Variants in ABCC2 observed in about 807,000 individuals in gnomAD.
The protein encoded by ABCC2 is ATP-binding cassette sub-family C member 2.
Under a neutral mutation model 173.4 loss-of-function variants are expected in ABCC2, and 157 were observed. The ratio of observed to expected loss-of-function variants is 0.91; its 90% confidence interval spans 0.80 to 1.03. The LOEUF is 1.03. Among genes scored for constraint, ABCC2 ranks in the 50% least tolerant of loss-of-function variants. ABCC2 has a pLI of 0.00. For synonymous variants in ABCC2, 657 were observed against 693.5 expected, an observed-to-expected ratio of 0.95 and a Z score of 0.83; for missense variants, 1,822 against 1,852.3, an observed-to-expected ratio of 0.98 and a Z score of 0.30.
At chr10:99,825,095 A>T (rs1268276817) in intron 19 of ABCC2, among the ~76,000 whole-genome samples, 1 of 149,980 alleles carries the variant, frequency 6.7e-6, no homozygotes. Flanking sequence ...ATTTTTTCCT[A>T]GTCCCTTTCC....
In ABCC2 at chr10:99,834,541, T is replaced by C. The variant is rs746238763; in HGVS notation, c.3414+6T>C. On this transcript the variant is annotated splice_donor_region_variant and intron_variant, in intron 24 of 31. Coordinates refer to ENST00000647814, the MANE Select transcript of ABCC2 (RefSeq NM_000392.5). ...TTATTTATGTATCTGTTCAGGTAGG[T>C]TTGGAAATGGCTAAGTCATCCTTCC... 5 of 1,613,946 alleles carry C rather than the reference T, an allele frequency of 3.1e-6. No homozygotes were observed. The Admixed American group carries it at 6.7e-5, about 22-fold the overall frequency.
Position 99,842,059 on chromosome 10 carries a change from A to T in ABCC2, c.3707A>T (p.Asp1236Val). 1 of 1,614,154 alleles carries T rather than the reference A, an allele frequency of 6.2e-7. No individual in the cohort carries two copies. The highest frequency in any genetic ancestry group is 2.2e-5 in the East Asian group (1 of 44,886). ...ATTTATAGAGATACCCTAAGTGGGG[A>T]CACTGTTGGCTTTGTTCTGTCCAAT... ...MVIYRDTLSG[D>V]TVGFVLSNAL... Residue 1236 changes from aspartate to valine, a missense_variant, in exon 26 of 32, where the codon GAC (aspartate) becomes GTC (valine). Coordinates refer to ENST00000647814, the MANE Select transcript of ABCC2 (RefSeq NM_000392.5).
chr10:99,786,392 T>C (rs1021715562), intron 2 of ABCC2, among the ~76,000 whole-genome samples: 1 of 152,254 alleles, frequency 6.6e-6, no homozygotes, highest in Non-Finnish European at 1.5e-5. Flanking sequence ...ACCCTTGGAA[T>C]TGAGTCATTG....
chr10:99,806,119 C>A (rs1426015974), intron 11 of ABCC2, among the ~76,000 whole-genome samples: 21 of 126,710 alleles, frequency 1.7e-4, no homozygotes, highest in Admixed American at 1.6e-3. Context: ...GTGTCTTGGT[C>A]ATTCCAAAAA....
intron 2 of ABCC2, 134 bp from the exon 3 acceptor site, chr10:99,792,100 T>G: frequency 8.5e-7 from 1 of 1,172,134 alleles, no homozygotes; most frequent in South Asian, 1.3e-5. Context: ...ATGTATCCAT[T>G]CTTTCCAGAA....
chr10:99,844,379 C>G lies in ABCC2; in HGVS notation c.3901C>G (p.Gln1301Glu). 1 of 1,614,244 alleles carries G rather than the reference C, an allele frequency of 6.2e-7. No individual in the cohort carries two copies. Among genetic ancestry groups the G allele is most frequent in the Non-Finnish European group, 8.5e-7 (1 of 1,180,040 alleles). ...AGATTGGCCCAGCAAAGGCAAGATC[C>G]AGTTTAACAACTACCAAGTGCGGTA... ...PPDWPSKGKI[Q>E]FNNYQVRYRP... The change falls in exon 28 of 32, where the codon CAG (glutamine) becomes GAG (glutamate). Residue 1301 changes from glutamine (Q) to glutamate (E), a missense_variant. Coordinates refer to ENST00000647814, the MANE Select transcript of ABCC2 (RefSeq NM_000392.5).
intron 11 of ABCC2, among the ~76,000 whole-genome samples, chr10:99,806,392 T>C (rs545793656): frequency 6.6e-6 from 1 of 152,280 alleles, no homozygotes; most frequent in African/African-American, 2.4e-5. Flanking sequence ...CCTGAGAAAT[T>C]TGAAGTTTGT....
intron 21 of ABCC2, 32 bp from the exon 22 acceptor site, chr10:99,831,579 G>A: frequency 6.3e-7 from 1 of 1,593,026 alleles, no homozygotes; most frequent in Non-Finnish European, 8.6e-7. Context: ...CCATTAGGGA[G>A]TTCTACTAAT....
intron 7 of ABCC2, 62 bp from the exon 8 acceptor site, chr10:99,799,145 G>T: frequency 6.3e-7 from 1 of 1,594,566 alleles, no homozygotes. Flanking sequence ...GACCACCCTG[G>T]AGCTGCTCAG....
At chr10:99,794,029 A>C in intron 5 of ABCC2, 30 bp downstream of exon 5, 1 of 1,533,462 alleles carries the variant, frequency 6.5e-7, no homozygotes, top group Non-Finnish European at 9.0e-7. Context: ...CATCTCATAT[A>C]TTACTTAATT....
At chr10:99,799,801 G>A (rs1477933052) in intron 8 of ABCC2, among the ~76,000 whole-genome samples, 1 of 152,154 alleles carries the variant, frequency 6.6e-6, no homozygotes, top group African/African-American at 2.4e-5. Flanking sequence ...GGGAAAGACA[G>A]GGCCAAAGCA....
At chr10:99,847,561 C>T (rs2039035805) in intron 30 of ABCC2, among the ~76,000 whole-genome samples, 1 of 151,792 alleles carries the variant, frequency 6.6e-6, no homozygotes, top group African/African-American at 2.4e-5. Context: ...CGAGATTGCA[C>T]CACTGCACTC....
Position 99,850,678 on chromosome 10 carries a change from A to G in ABCC2, c.4390A>G (p.Thr1464Ala), listed in dbSNP as rs776113583. ...KSKILVLDEA[T>A]AAVDLETDNL... ...CAAGATCCTGGTCCTGGATGAGGCC[A>G]CTGCTGCGGTGGATCTAGAGACAGA... is the stretch of plus-strand genomic sequence containing the variant. The change falls in exon 31 of 32, where the codon ACT becomes GCT. Residue 1464 changes from threonine to alanine, a missense_variant. Transcript: ENST00000647814. 1.2e-6 allele frequency: 2 copies of G among 1,614,234 alleles called. No homozygotes were observed. Among genetic ancestry groups the G allele is most frequent in the South Asian group, 1.1e-5 (1 of 91,086 alleles).
chr10:99,783,051 G>T (rs1308211146), intron 1 of ABCC2, among the ~76,000 whole-genome samples, 174 bp downstream of exon 1: 2 of 152,276 alleles, frequency 1.3e-5, no homozygotes, highest in Non-Finnish European at 2.9e-5. Flanking sequence ...TATAAGATCT[G>T]GGAAATGTAA....
At chr10:99,844,689 C>T (rs1445982872) in intron 28 of ABCC2, among the ~76,000 whole-genome samples, 1 of 152,172 alleles carries the variant, frequency 6.6e-6, no homozygotes, top group Non-Finnish European at 1.5e-5. Context: ...CTGCTCAGCT[C>T]CTCCCTGCCT....
At chr10:99,808,310 T>C (rs1335365087) in intron 13 of ABCC2, 81 bp downstream of exon 13, 1 of 1,555,780 alleles carries the variant, frequency 6.4e-7, no homozygotes, top group Non-Finnish European at 8.8e-7. Context: ...TCACATCCCA[T>C]GTCTAACTTT....
chr10:99,805,825 T>C (rs1335067034), intron 11 of ABCC2, among the ~76,000 whole-genome samples: 1 of 152,180 alleles, frequency 6.6e-6, no homozygotes, highest in Non-Finnish European at 1.5e-5. Context: ...TCAGAGATCT[T>C]GTCATTTCAT....
intron 5 of ABCC2, 26 bp from the exon 6 acceptor site, chr10:99,794,387 C>T (rs1265491290): frequency 1.7e-5 from 27 of 1,607,874 alleles, no homozygotes; most frequent in Non-Finnish European, 2.3e-5. Flanking sequence ...AATTGGTTTA[C>T]ATTTCGATTT....
At chr10:99,794,389 T>G (rs201582122) in intron 5 of ABCC2, 24 bp from the exon 6 acceptor site, 148 of 1,609,168 alleles carry the variant, frequency 9.2e-5, no homozygotes, top group Non-Finnish European at 2.5e-5. Flanking sequence ...TTGGTTTACA[T>G]TTCGATTTTT....
Sources: allele counts gnomAD v4.1 joint callset (sites outside exome capture counted in the v4.1 genomes callset), GRCh38; gene constraint gnomAD v4.1.1; transcripts MANE v1.5; gene names NCBI Gene and HGNC (gene_info 2026-07-23, HGNC 2026-07-21).